Variants in OSBP2 observed in about 807,000 individuals in gnomAD.
OSBP2 encodes oxysterol-binding protein 2.
OSBP2 carries 66 observed loss-of-function variants against 96.0 expected under a neutral mutation model. That is an observed-to-expected ratio of 0.69 (90% CI 0.56 to 0.84). OSBP2 has a LOEUF of 0.84. OSBP2 is among the 40% of genes least tolerant of loss of function. The pLI is 0.00. For synonymous variants in OSBP2, 525 were observed against 520.9 expected (o/e 1.01, Z -0.11); for missense variants, 1,038 against 1,222.7 (o/e 0.85, Z 2.25).
intron 2 of OSBP2, among the ~76,000 whole-genome samples, chr22:30,842,159 C>T (rs563377892): frequency 1.3e-5 from 2 of 152,296 alleles, no homozygotes; most frequent in Admixed American, 1.3e-4. Flanking sequence ...GTCACCCAGG[C>T]TGGTCTCGAA....
intron 1 of OSBP2, among the ~76,000 whole-genome samples, chr22:30,710,007 C>A (rs138662086): frequency 6.6e-6 from 1 of 151,958 alleles, no homozygotes; most frequent in African/African-American, 2.4e-5. Flanking sequence ...TTCAGCCTCC[C>A]GAGTAGCTGG....
intron 2 of OSBP2, among the ~76,000 whole-genome samples, chr22:30,853,774 CTTT>C (rs35208155): frequency 7.2e-6 from 1 of 138,604 alleles, no homozygotes; most frequent in Non-Finnish European, 1.6e-5. Flanking sequence ...TTCTTTCTTT[CTTT>C]TTTTTTTTTG....
intron 8 of OSBP2, among the ~76,000 whole-genome samples, chr22:30,892,863 C>T (rs1332865125): frequency 6.6e-6 from 1 of 152,178 alleles, no homozygotes; most frequent in Non-Finnish European, 1.5e-5. Flanking sequence ...AGCATGAGGT[C>T]CACCATCACC....
Position 30,777,778 on chromosome 22 carries a change from A to G in OSBP2, c.853+36409A>G, listed in dbSNP as rs115493519. ...AGAGTGATGGCAGCAGCTGGGGAGAATAGGCAGACAGAAAGCCCTATTAGT... is the reference window on the plus strand; with the variant it reads ...AGAGTGATGGCAGCAGCTGGGGAGAGTAGGCAGACAGAAAGCCCTATTAGT... On this transcript the variant is annotated intron_variant, in intron 2 of 13. Transcript: ENST00000332585. Among the ~76,000 whole-genome samples, 1,258 of 152,232 alleles carry G rather than the reference A, an allele frequency of 8.3e-3. 19 individuals carry two copies. The highest frequency in any genetic ancestry group is 0.029 in the African/African-American group (1,200 of 41,554).
chr22:30,819,828 A>G (rs361844), intron 2 of OSBP2, among the ~76,000 whole-genome samples: 64,338 of 151,990 alleles, frequency 0.42, 14,017 homozygotes, highest in African/African-American at 0.5. Context: ...GTGAATAGAC[A>G]GTGGGGCTAA....
At chr22:30,780,208 C>G (rs1002941628) in intron 2 of OSBP2, among the ~76,000 whole-genome samples, 1 of 152,244 alleles carries the variant, frequency 6.6e-6, no homozygotes, top group Non-Finnish European at 1.5e-5. Flanking sequence ...TGCCTCGTAC[C>G]ATTTCCTGCA....
At chr22:30,891,016 C>G (rs1253245042) in intron 8 of OSBP2, 43 bp downstream of exon 8, 2 of 1,578,474 alleles carry the variant, frequency 1.3e-6, no homozygotes, top group Non-Finnish European at 1.7e-6. Flanking sequence ...CACCCACACT[C>G]TGGCCAAGCT....
At chr22:30,874,179 G>A (rs1329282346) in intron 3 of OSBP2, among the ~76,000 whole-genome samples, 1 of 152,230 alleles carries the variant, frequency 6.6e-6, no homozygotes, top group Non-Finnish European at 1.5e-5. Context: ...AGAGGTTGCA[G>A]TGAGCCAAGA....
At chr22:30,749,108 ACT>A (rs764057007) in intron 2 of OSBP2, among the ~76,000 whole-genome samples, 1 of 152,056 alleles carries the variant, frequency 6.6e-6, no homozygotes, top group Non-Finnish European at 1.5e-5. Flanking sequence ...ACAGAGCGAG[ACT>A]CTGTCTACAA....
intron 2 of OSBP2, among the ~76,000 whole-genome samples, chr22:30,824,982 G>C (rs1001108155): frequency 6.6e-6 from 1 of 152,178 alleles, no homozygotes; most frequent in African/African-American, 2.4e-5. Context: ...GCCCGTCTGT[G>C]ATTCTCAGTT....
intron 2 of OSBP2, among the ~76,000 whole-genome samples, chr22:30,764,755 G>C (rs2090249635): frequency 6.6e-6 from 1 of 152,168 alleles, no homozygotes; most frequent in Non-Finnish European, 1.5e-5. Flanking sequence ...AAATATAGGT[G>C]CATTCAAGCT....
intron 7 of OSBP2, 46 bp downstream of exon 7, chr22:30,889,682 C>A (rs773020927): frequency 6.3e-7 from 1 of 1,595,390 alleles, no homozygotes; most frequent in South Asian, 1.1e-5. Flanking sequence ...TCTGGGGCTG[C>A]TTTCCTGTGC....
chr22:30,749,030 C>T (rs946674750), intron 2 of OSBP2, among the ~76,000 whole-genome samples: 1 of 152,134 alleles, frequency 6.6e-6, no homozygotes, highest in African/African-American at 2.4e-5. Context: ...GCAGGAGAAT[C>T]GCTTGAACCT....
chr22:30,771,970 C>A (rs2090351761), intron 2 of OSBP2, among the ~76,000 whole-genome samples: 2 of 152,222 alleles, frequency 1.3e-5, no homozygotes, highest in South Asian at 2.1e-4. Context: ...TCTCTCTAGC[C>A]CCCAGATGTT....
chr22:30,862,628 C>T (rs914563396), intron 2 of OSBP2, among the ~76,000 whole-genome samples: 17 of 151,598 alleles, frequency 1.1e-4, no homozygotes, highest in Admixed American at 6.6e-4. Context: ...TGCAGTGAGC[C>T]GAGATCGTGC....
intron 2 of OSBP2, among the ~76,000 whole-genome samples, chr22:30,823,321 T>C (rs547020828): frequency 2.1e-4 from 32 of 152,384 alleles, no homozygotes; most frequent in Non-Finnish European, 4.6e-4. Context: ...GCAAACTCTG[T>C]AAGCTCTTGC....
In OSBP2 at chr22:30,906,364, G is replaced by T; in HGVS notation, c.*25G>T. On this transcript the variant is annotated 3_prime_UTR_variant, in exon 14 of 14. Coordinates refer to ENST00000332585, the MANE Select transcript of OSBP2 (RefSeq NM_030758.4). ...AGCGCCACCCTTGCAACAAATACAG[G>T]CGCCTGCACAGCCTGGCCCACCTGT... The T allele has an allele frequency of 1.3e-6, 2 of 1,572,050 alleles. No individual in the cohort carries two copies. Among genetic ancestry groups the T allele is most frequent in the South Asian group, 1.2e-5 (1 of 84,142 alleles).
intron 12 of OSBP2, 151 bp downstream of exon 12, chr22:30,894,152 G>T: frequency 4.7e-6 from 3 of 633,300 alleles, no homozygotes; most frequent in Non-Finnish European, 8.2e-6. Flanking sequence ...CCAGTGTGAA[G>T]GCAGACACCG....
chr22:30,735,701 A>ATTC (rs538843733), intron 1 of OSBP2, among the ~76,000 whole-genome samples: 51 of 151,302 alleles, frequency 3.4e-4, no homozygotes, highest in South Asian at 6.3e-4. Flanking sequence ...GGCTGAAGCG[A>ATTC]TTCTTCTTCT....
Sources: gnomAD v4.1 joint callset for allele counts (sites outside exome capture counted in the v4.1 genomes callset) on GRCh38, gnomAD v4.1.1 for gene constraint, MANE v1.5 for transcripts, NCBI Gene and HGNC (gene_info 2026-07-23, HGNC 2026-07-21) for gene names.